The following CNTN5 variants were observed in gnomAD, a reference collection of about 807,000 sequenced individuals.
The protein encoded by CNTN5 is contactin 5.
CNTN5 carries 77 observed loss-of-function variants against 129.1 expected under a neutral mutation model. The ratio of observed to expected loss-of-function variants is 0.60; its 90% CI spans 0.50 to 0.72. CNTN5 has a LOEUF of 0.72. CNTN5 is among the 30% of genes least tolerant of loss of function. The pLI, the probability that CNTN5 is intolerant of heterozygous loss-of-function variation, is 0.00. For synonymous variants in CNTN5, 509 were observed against 465.6 expected (o/e 1.09, Z -1.20); for missense variants, 1,478 against 1,328.8 (o/e 1.11, Z -1.75).
chr11:100,197,634 T>A (rs2138533422), intron 15 of CNTN5, among the ~76,000 whole-genome samples: 1 of 152,098 alleles, frequency 6.6e-6, no homozygotes, highest in East Asian at 1.9e-4. Flanking sequence ...AGAGCCACAG[T>A]CTTAATGGAG....
intron 21 of CNTN5, among the ~76,000 whole-genome samples, chr11:100,311,458 A>G (rs1951471414): frequency 6.6e-6 from 1 of 151,630 alleles, no homozygotes; most frequent in Admixed American, 6.7e-5. Context: ...AGTTAAGAGG[A>G]AGACTGGGGA....
At chr11:99,779,992 T>C (rs1261415462) in intron 3 of CNTN5, among the ~76,000 whole-genome samples, 1 of 152,006 alleles carries the variant, frequency 6.6e-6, no homozygotes, top group Non-Finnish European at 1.5e-5. Context: ...TTGTCCATAG[T>C]TTCTTGATAC....
chr11:99,243,345 G>A (rs1045695024), intron 1 of CNTN5, among the ~76,000 whole-genome samples: 1 of 151,868 alleles, frequency 6.6e-6, no homozygotes, highest in Non-Finnish European at 1.5e-5. Context: ...TTACTTATAG[G>A]TTCTGGATAT....
chr11:99,438,869 ACT>A (rs1591058691), intron 2 of CNTN5, among the ~76,000 whole-genome samples: 1 of 152,262 alleles, frequency 6.6e-6, no homozygotes, highest in East Asian at 1.9e-4. Flanking sequence ...GACCAAGTTA[ACT>A]CTCAGCACTT....
At chr11:99,758,830 T>C (rs1944485938) in intron 3 of CNTN5, among the ~76,000 whole-genome samples, 1 of 152,088 alleles carries the variant, frequency 6.6e-6, no homozygotes, top group South Asian at 2.1e-4. Flanking sequence ...AGGTTATTCA[T>C]AATTCATAGT....
chr11:99,718,229 A>G (rs568310888), intron 3 of CNTN5, among the ~76,000 whole-genome samples: 3 of 152,254 alleles, frequency 2.0e-5, no homozygotes, highest in African/African-American at 7.2e-5. Context: ...TCACTAATAC[A>G]TTTGTTAAAC....
chr11:100,146,793 G>A (rs574456601), intron 13 of CNTN5, among the ~76,000 whole-genome samples: 2 of 152,166 alleles, frequency 1.3e-5, no homozygotes, highest in Non-Finnish European at 2.9e-5. Flanking sequence ...GATTAGGCAA[G>A]GTGACTTTTA....
chr11:99,369,685 C>T (rs1250704996), intron 2 of CNTN5, among the ~76,000 whole-genome samples: 1 of 151,916 alleles, frequency 6.6e-6, no homozygotes, highest in Non-Finnish European at 1.5e-5. Flanking sequence ...TAAAAATTAT[C>T]CCAGAATCCC....
intron 21 of CNTN5, among the ~76,000 whole-genome samples, chr11:100,314,738 C>A (rs112427124): frequency 5.3e-4 from 81 of 152,190 alleles, no homozygotes; most frequent in African/African-American, 1.8e-3. Flanking sequence ...AACAGCCTTA[C>A]CTGATCTCCC....
At chr11:99,530,684 T>A (rs1278759432) in intron 2 of CNTN5, among the ~76,000 whole-genome samples, 1 of 152,198 alleles carries the variant, frequency 6.6e-6, no homozygotes, top group East Asian at 1.9e-4. Context: ...AGGAGGTAAT[T>A]GAATCATGGG....
chr11:99,840,416 T>C (rs781736160), intron 4 of CNTN5, among the ~76,000 whole-genome samples: 1 of 152,082 alleles, frequency 6.6e-6, no homozygotes, highest in Non-Finnish European at 1.5e-5. Context: ...AAAATATGCT[T>C]ATCAAACAAT....
At chr11:99,893,832 T>C (rs1376713362) in intron 6 of CNTN5, among the ~76,000 whole-genome samples, 1 of 152,338 alleles carries the variant, frequency 6.6e-6, no homozygotes, top group East Asian at 1.9e-4. Flanking sequence ...CATATTTATA[T>C]ATTTTGTCAT....
intron 3 of CNTN5, among the ~76,000 whole-genome samples, chr11:99,619,591 G>A (rs1344514392): frequency 3.9e-5 from 6 of 151,998 alleles, no homozygotes; most frequent in African/African-American, 1.4e-4. Context: ...GCATCAAAAC[G>A]AGATTTAAAT....
chr11:99,527,213 C>T (rs1947520703), intron 2 of CNTN5, among the ~76,000 whole-genome samples: 2 of 152,168 alleles, frequency 1.3e-5, no homozygotes, highest in South Asian at 2.1e-4. Flanking sequence ...CTACTTTGCC[C>T]TGAGACTTCT....
At chr11:99,889,314 G>A (rs1368582162) in intron 6 of CNTN5, among the ~76,000 whole-genome samples, 1 of 112,346 alleles carries the variant, frequency 8.9e-6, no homozygotes, top group Non-Finnish European at 1.9e-5. Context: ...GTGTGTGTGT[G>A]TGTGTGTGTG....
At chr11:99,175,646 T>C (rs1857734494) in intron 1 of CNTN5, among the ~76,000 whole-genome samples, 1 of 152,168 alleles carries the variant, frequency 6.6e-6, no homozygotes, top group Non-Finnish European at 1.5e-5. Context: ...TGTCTTCTTC[T>C]TTCTGCCAGA....
intron 7 of CNTN5, among the ~76,000 whole-genome samples, chr11:99,931,757 T>G (rs1229468818): frequency 6.6e-6 from 1 of 152,178 alleles, no homozygotes; most frequent in African/African-American, 2.4e-5. Context: ...GTGCAATATT[T>G]GCTAGTAGTG....
intron 21 of CNTN5, chr11:100,309,066 A>C (rs903545289): frequency 1.0e-6 from 1 of 985,008 alleles, no homozygotes; most frequent in African/African-American, 1.7e-5. Flanking sequence ...GTGAACATGA[A>C]TATTTTATGA....
At chr11:100,270,997 C>T (rs1310401786) in intron 17 of CNTN5, 95 bp from the exon 18 acceptor site, 1 of 999,902 alleles carries the variant, frequency 1.0e-6, no homozygotes, top group South Asian at 1.7e-5. Flanking sequence ...ATGCATTAGC[C>T]TTCTGATTCT....
Sources: allele counts gnomAD v4.1 joint callset (sites outside exome capture counted in the v4.1 genomes callset), GRCh38; gene constraint gnomAD v4.1.1; transcripts MANE v1.5; gene names NCBI Gene and HGNC (gene_info 2026-07-23, HGNC 2026-07-21).